The following NWD1 variants were observed in gnomAD, a reference collection of about 807,000 sequenced individuals.
The protein encoded by NWD1 is NACHT and WD repeat domain containing 1.
In NWD1, 129 loss-of-function variants were observed where a neutral mutation model predicts 135.1. The ratio of observed to expected loss-of-function variants is 0.96; its 90% CI spans 0.83 to 1.11. The LOEUF (loss-of-function observed/expected upper bound fraction) is 1.11, where lower values mean the gene tolerates loss of function less well. NWD1 is among the 50% of genes least tolerant of loss of function. NWD1 has a pLI of 0.00. For missense variants in NWD1, 1,740 were observed against 1,851.3 expected (o/e 0.94, Z 1.10); for synonymous variants, 773 against 786.0 (o/e 0.98, Z 0.28).
intron 15 of NWD1, 140 bp from the exon 16 acceptor site, chr19:16,797,592 C>T (rs1216974259): frequency 2.8e-6 from 2 of 705,838 alleles, no homozygotes; most frequent in Admixed American, 2.7e-5. Flanking sequence ...GAGTGATCTG[C>T]CCGCCTTGGC....
At chr19:16,765,292 C>A in intron 10 of NWD1, 100 bp downstream of exon 10, 2 of 1,119,896 alleles carry the variant, frequency 1.8e-6, no homozygotes, top group Non-Finnish European at 2.5e-6. Context: ...CATCAATTCT[C>A]ATACCTTTCC....
In NWD1 at chr19:16,788,098, TG is replaced by T. The variant is rs974901707; in HGVS notation, c.2732-881del. ...ACAAAAAATTTGCCAAGTGTGGTGG[TG>T]GGCACCTGTAATCCCAGCTACTCGA... On this transcript the variant is annotated intron_variant, in intron 12 of 18. Transcript: ENST00000524140. Among the ~76,000 whole-genome samples the T allele has an allele frequency of 4.1e-5, 6 of 146,508 alleles. No individual in the cohort carries two copies. In the Admixed American group the frequency reaches 4.1e-4, roughly 10 times the overall value.
At position 16,749,654 on chromosome 19, in the gene NWD1, G is replaced by A. The variant is rs1306235578; in HGVS notation, c.1012G>A (p.Val338Ile). Residue 338 changes from valine (V) to isoleucine (I), a missense_variant, in exon 6 of 19, where the codon GTA becomes ATA. Val to Ile is a conservative substitution (Grantham distance 29, BLOSUM62 3). Coordinates refer to ENST00000524140, the MANE Select transcript of NWD1 (RefSeq NM_001007525.5). ...HDDSKQHTPL[V>I]LFGPPGIGKT... Reference sequence around the variant, plus strand: ...TGACAGCAAGCAGCACACCCCCCTGGTACTCTTTGGGCCCCCAGGCATTGG... The same window carrying A: ...TGACAGCAAGCAGCACACCCCCCTGATACTCTTTGGGCCCCCAGGCATTGG... The A allele has an allele frequency of 6.2e-7, 1 of 1,604,492 alleles. No individual in the cohort carries two copies. The highest frequency in any genetic ancestry group is 8.5e-7 in the Non-Finnish European group (1 of 1,173,798).
intron 10 of NWD1, among the ~76,000 whole-genome samples, chr19:16,772,122 T>C (rs1969435295): frequency 6.6e-6 from 1 of 152,112 alleles, no homozygotes; most frequent in Non-Finnish European, 1.5e-5. Context: ...TTCCAGAGCT[T>C]TGAGGGGTCG....
intron 18 of NWD1, among the ~76,000 whole-genome samples, chr19:16,814,157 C>CA (rs1485351661): frequency 6.6e-6 from 1 of 151,616 alleles, no homozygotes; most frequent in Non-Finnish European, 1.5e-5. Flanking sequence ...GAGACCCTGT[C>CA]AAAAAAAATG....
Position 16,808,122 on chromosome 19 carries a change from G to A in NWD1, c.4273G>A (p.Glu1425Lys), listed in dbSNP as rs150565947. The A allele has an allele frequency of 1.1e-4, 178 of 1,613,492 alleles. No individual in the cohort carries two copies. The highest frequency in any genetic ancestry group is 1.4e-4 in the Non-Finnish European group (161 of 1,179,984). The change falls in exon 18 of 19, where the codon GAG (glutamate) becomes AAG (lysine). Residue 1425 changes from glutamate to lysine, a missense_variant. By Grantham distance (56) the Glu-to-Lys change is moderately conservative. Transcript: ENST00000524140. ...CCTGCAGGCACGCAAGTGGAAATTC[G>A]AGATGAGCTACACGGTGGGTGGCCC... ...WDLQARKWKFEMSYTAPC is the reference protein window; with the variant it reads ...WDLQARKWKFKMSYTAPC
At chr19:16,775,496 C>T (rs900602082) in intron 11 of NWD1, among the ~76,000 whole-genome samples, 4 of 152,036 alleles carry the variant, frequency 2.6e-5, no homozygotes, top group African/African-American at 7.3e-5. Flanking sequence ...CCAACTCCTA[C>T]CATCAAGATG....
rs138964138 is a variant in NWD1 at position 16,770,568 on chromosome 19, G to A, written c.2411-2558G>A. On this transcript the variant is annotated intron_variant, in intron 10 of 18. Transcript: ENST00000524140. ...CCACCGTGTCCATTGAAATCTTGGC[G>A]CTGCCACTTCTTGGCAGTGTGACCT... 2.0e-3 allele frequency among the ~76,000 whole-genome samples: 306 copies of A among 152,072 alleles called. 2 individuals are homozygous for A. Among genetic ancestry groups the A allele is most frequent in the Middle Eastern group, 0.01 (3 of 294 alleles).
At chr19:16,765,974 A>T (rs890285418) in intron 10 of NWD1, among the ~76,000 whole-genome samples, 1 of 147,208 alleles carries the variant, frequency 6.8e-6, no homozygotes, top group Non-Finnish European at 1.5e-5. Flanking sequence ...CCGAGATCGC[A>T]CCACTGCACT....
rs532431474 is a variant in NWD1 at position 16,728,726 on chromosome 19, C to T, written c.-6-2466C>T. 4.6e-3 allele frequency among the ~76,000 whole-genome samples: 653 copies of T among 142,332 alleles called. 2 individuals carry two copies. Among genetic ancestry groups the T allele is most frequent in the African/African-American group, 0.015 (583 of 38,306 alleles). 93.4% of individuals were successfully genotyped at this position (142,332 alleles called of 152,430 possible). On this transcript the variant is annotated intron_variant, in intron 2 of 18. Transcript: ENST00000524140. ...TTGGGAGGCCGAGGCGGGCGAATCA[C>T]GAGGTCAGGAGATTGAGACCATCCT...
intron 3 of NWD1, among the ~76,000 whole-genome samples, chr19:16,732,676 G>GAA (rs1967628355): frequency 2.6e-5 from 1 of 39,006 alleles, no homozygotes; most frequent in African/African-American, 2.4e-4. Context: ...AAAAGAAAAA[G>GAA]TGAAAAAGTG....
chr19:16,803,404 G>T (rs182747641), intron 17 of NWD1, among the ~76,000 whole-genome samples: 53 of 152,144 alleles, frequency 3.5e-4, no homozygotes, highest in Non-Finnish European at 5.9e-4. Flanking sequence ...TTGGTGGGGG[G>T]GTGGGGACAC....
chr19:16,789,023 G>T lies in NWD1; in HGVS notation c.2773G>T (p.Ala925Ser). 2 of 1,612,438 alleles carry T rather than the reference G, an allele frequency of 1.2e-6. No homozygotes were observed. Among genetic ancestry groups the T allele is most frequent in the Non-Finnish European group, 8.5e-7 (1 of 1,179,730 alleles). Residue 925 changes from alanine (A) to serine (S), a missense_variant, in exon 13 of 19, where the codon GCC becomes TCC. Physicochemically the swap from Ala to Ser is moderately conservative, Grantham distance 99. Transcript: ENST00000524140. ...CVKIFAKGTL[A>S]NSASKDYTLH... Reference sequence around the variant, plus strand: ...GAAAATATTTGCCAAAGGGACCCTCGCCAACTCTGCTTCAAAGGATTACAC... The same window carrying T: ...GAAAATATTTGCCAAAGGGACCCTCTCCAACTCTGCTTCAAAGGATTACAC...
At chr19:16,743,274 G>A (rs1054907189) in intron 4 of NWD1, among the ~76,000 whole-genome samples, 9 of 151,148 alleles carry the variant, frequency 6.0e-5, no homozygotes, top group Non-Finnish European at 8.8e-5. Flanking sequence ...GCAGTGGTGC[G>A]ATCACAGCTC....
At chr19:16,789,425 T>A (rs570276510) in intron 13 of NWD1, among the ~76,000 whole-genome samples, 1 of 152,200 alleles carries the variant, frequency 6.6e-6, no homozygotes, top group South Asian at 2.1e-4. Flanking sequence ...TTTTTGAATA[T>A]CAGCATTTTA....
intron 12 of NWD1, among the ~76,000 whole-genome samples, chr19:16,783,363 G>A (rs1969926342): frequency 6.6e-6 from 1 of 152,148 alleles, no homozygotes; most frequent in Admixed American, 6.5e-5. Flanking sequence ...GGTGGGGAAC[G>A]GTGGCTCATG....
In NWD1 at chr19:16,788,977, TGCA is replaced by T; in HGVS notation, c.2732-3_2732-1del. ...TATACTCTCCCCTACCCTGGCCTGC[TGCA>T]GGAGAGGTGAGGTGTGTGAAAATAT... On this transcript the variant is annotated splice_acceptor_variant and splice_polypyrimidine_tract_variant and intron_variant, in intron 12 of 18. Transcript: ENST00000524140. LOFTEE classifies it high-confidence loss of function. 1 of 1,609,282 alleles carries T rather than the reference TGCA, an allele frequency of 6.2e-7. No individual in the cohort carries two copies. The highest frequency in any genetic ancestry group is 1.1e-5 in the South Asian group (1 of 90,934).
intron 15 of NWD1, among the ~76,000 whole-genome samples, 183 bp from the exon 16 acceptor site, chr19:16,797,549 T>C (rs1053974132): frequency 6.6e-6 from 1 of 152,086 alleles, no homozygotes; most frequent in Non-Finnish European, 1.5e-5. Context: ...GGGTTCACCA[T>C]GTTGGCCAGG....
rs1970253173 is a variant in NWD1, at chr19:16,791,709, C to T, written c.3213+87C>T. ...TAGAAGTTGGGAAAAATAATCTTGCCTTGTATCTTTGTTTTGTTTTGGAGA... is the reference window on the plus strand; with the variant it reads ...TAGAAGTTGGGAAAAATAATCTTGCTTTGTATCTTTGTTTTGTTTTGGAGA... On this transcript the variant is annotated intron_variant, in intron 14 of 18. Coordinates refer to ENST00000524140, the MANE Select transcript of NWD1 (RefSeq NM_001007525.5). The T allele has an allele frequency of 9.7e-6, 13 of 1,336,364 alleles. No homozygotes were observed. In the South Asian group the frequency reaches 1.4e-4, roughly 14 times the overall value. The allele number at this position is 1,336,364 out of a possible 1,614,324, so 82.8% of individuals were successfully genotyped here.
Sources: allele counts gnomAD v4.1 joint callset (sites outside exome capture counted in the v4.1 genomes callset), GRCh38; gene constraint gnomAD v4.1.1; transcripts MANE v1.5; gene names NCBI Gene and HGNC (gene_info 2026-07-23, HGNC 2026-07-21).